AOX1: variants seen among roughly 807,000 people sequenced by gnomAD.
AOX1 encodes aldehyde oxidase.
AOX1 carries 153 observed loss-of-function variants against 169.5 expected under a neutral mutation model. The ratio of observed to expected loss-of-function variants is 0.90; its 90% CI spans 0.79 to 1.03. The LOEUF (loss-of-function observed/expected upper bound fraction) is 1.03, where lower values mean the gene tolerates loss of function less well. Among genes scored for constraint, AOX1 ranks in the 50% least tolerant of loss-of-function variants. The pLI is 0.00. For missense variants in AOX1, 1,656 were observed against 1,663.9 expected, an observed-to-expected ratio of 1.00 and a Z score of 0.08; for synonymous variants, 562 against 581.9, an observed-to-expected ratio of 0.97 and a Z score of 0.49.
intron 20 of AOX1, among the ~76,000 whole-genome samples, chr2:200,632,597 C>T (rs2035150400): frequency 6.6e-6 from 1 of 150,968 alleles, no homozygotes. Context: ...TTCTGTTGTT[C>T]TTTCTTCCTT....
intron 14 of AOX1, 142 bp downstream of exon 14, chr2:200,612,935 A>G (rs1291192213): frequency 1.5e-6 from 1 of 667,412 alleles, no homozygotes; most frequent in African/African-American, 1.8e-5. Context: ...TTCCAATAAG[A>G]TTTTGTTATT....
chr2:200,673,150 C>G (rs2036051428), downstream of AOX1, among the ~76,000 whole-genome samples: 1 of 152,212 alleles, frequency 6.6e-6, no homozygotes, highest in Non-Finnish European at 1.5e-5. Flanking sequence ...CCTCCCCCTC[C>G]AGCCCACCTC....
At chr2:200,678,838 C>T (rs146661066), downstream of AOX1, among the ~76,000 whole-genome samples, 1,731 of 152,056 alleles carry the variant, frequency 0.011, 34 homozygotes, top group African/African-American at 0.039. Flanking sequence ...CAAATAATTA[C>T]CTGCCCTTGT....
At chr2:200,646,214 CT>C (rs2035450130) in intron 25 of AOX1, among the ~76,000 whole-genome samples, 1 of 152,164 alleles carries the variant, frequency 6.6e-6, no homozygotes, top group African/African-American at 2.4e-5. Context: ...GAACTTTCCT[CT>C]TAGCACCGCG....
intron 2 of AOX1, among the ~76,000 whole-genome samples, chr2:200,594,153 A>T (rs1394799704): frequency 6.6e-6 from 1 of 152,148 alleles, no homozygotes; most frequent in Non-Finnish European, 1.5e-5. Context: ...TCACCGTGTA[A>T]GTCTGACCCT....
chr2:200,601,409 C>T (rs2034411083), intron 5 of AOX1, among the ~76,000 whole-genome samples: 1 of 152,006 alleles, frequency 6.6e-6, no homozygotes, highest in Middle Eastern at 3.2e-3. Flanking sequence ...ATAGTTAACA[C>T]TGTATTGTAT....
intron 20 of AOX1, 140 bp downstream of exon 20, chr2:200,627,589 A>G (rs1286265624): frequency 6.4e-6 from 4 of 628,588 alleles, no homozygotes; most frequent in Non-Finnish European, 1.1e-5. Flanking sequence ...CACCTCATTC[A>G]CAAATGTGTT....
intron 19 of AOX1, among the ~76,000 whole-genome samples, chr2:200,626,286 A>G (rs1008547066): frequency 1.3e-5 from 2 of 152,224 alleles, no homozygotes; most frequent in Non-Finnish European, 2.9e-5. Flanking sequence ...AAACCAACCC[A>G]GTTTTTGAAT....
intron 20 of AOX1, among the ~76,000 whole-genome samples, chr2:200,634,164 ATTTTTTTTTT>A (rs58341876): frequency 5.9e-5 from 5 of 84,966 alleles, no homozygotes; most frequent in Non-Finnish European, 6.2e-5. Context: ...TTTCTTGAGG[ATTTTTTTTTT>A]TTTTTTTTTT....
At chr2:200,602,847 A>G (rs1016403914) in intron 6 of AOX1, among the ~76,000 whole-genome samples, 14 of 152,174 alleles carry the variant, frequency 9.2e-5, no homozygotes, top group African/African-American at 3.4e-4. Flanking sequence ...TGAACAAACA[A>G]AGTTGAAATG....
At position 200,666,668 on chromosome 2, in the gene AOX1, A is replaced by G. The variant is rs1482237050; in HGVS notation, c.3544-19A>G. On this transcript the variant is annotated intron_variant, in intron 31 of 34. Transcript: ENST00000374700. Reference sequence around the variant, plus strand: ...TTATTCTCATTAAAATAAACATTTTAACTTTTTTTTAATACTAGAACATCA... The same window carrying G: ...TTATTCTCATTAAAATAAACATTTTGACTTTTTTTTAATACTAGAACATCA... The G allele has an allele frequency of 6.3e-7, 1 of 1,579,660 alleles. No individual in the cohort carries two copies. Among genetic ancestry groups the G allele is most frequent in the African/African-American group, 1.4e-5 (1 of 73,678 alleles).
intron 2 of AOX1, 30 bp downstream of exon 2, chr2:200,593,233 G>T: frequency 6.5e-7 from 1 of 1,540,520 alleles, no homozygotes. Context: ...GACTGTGTAT[G>T]TGTGTGTGTA....
rs189900419 is a variant in AOX1, at chr2:200,605,693, C to G, written c.907+65C>G. On this transcript the variant is annotated intron_variant, in intron 10 of 34. Transcript: ENST00000374700. Reference sequence around the variant, plus strand: ...TAATCAATTTATTTACCTTGCCCAGCAGACAAGCAGAAAAAGAATGATTCC... The same window carrying G: ...TAATCAATTTATTTACCTTGCCCAGGAGACAAGCAGAAAAAGAATGATTCC... 2.5e-5 allele frequency: 17 copies of G among 686,026 alleles called. No individual in the cohort carries two copies. The East Asian group carries it at 4.7e-4, about 19-fold the overall frequency. The allele number at this position is 686,026 out of a possible 1,614,324, so 42.5% of individuals were successfully genotyped here. A position where few individuals can be genotyped will look rare whatever the true frequency, so the allele number is the denominator to read the frequency against.
intron 20 of AOX1, among the ~76,000 whole-genome samples, chr2:200,628,851 C>G (rs1327590170): frequency 6.6e-6 from 1 of 152,150 alleles, no homozygotes; most frequent in Non-Finnish European, 1.5e-5. Context: ...CGCTTGAACC[C>G]TGGAGGCAGA....
At chr2:200,609,608 T>C (rs1559236482) in intron 12 of AOX1, among the ~76,000 whole-genome samples, 194 bp downstream of exon 12, 4 of 152,186 alleles carry the variant, frequency 2.6e-5, no homozygotes, top group African/African-American at 7.2e-5. Context: ...GTCTTTCTGG[T>C]TTTTTGTTTG....
chr2:200,668,606 T>C lies in AOX1; in HGVS notation c.3610-9T>C. ...ATACGTGGAAATTCTTTTTTTGTTC[T>C]TGCCTCAGATTGAAGGTGCATTTAT... is the stretch of plus-strand genomic sequence containing the variant. On this transcript the variant is annotated splice_polypyrimidine_tract_variant and intron_variant, in intron 32 of 34. Transcript: ENST00000374700. The C allele has an allele frequency of 6.3e-7, 1 of 1,590,248 alleles. No individual in the cohort carries two copies. The highest frequency in any genetic ancestry group is 8.6e-7 in the Non-Finnish European group (1 of 1,168,610).
At position 200,638,313 on chromosome 2, in the gene AOX1, G is replaced by T. The variant is rs201551790; in HGVS notation, c.2568+11G>T. On this transcript the variant is annotated intron_variant, in intron 23 of 34. Coordinates refer to ENST00000374700, the MANE Select transcript of AOX1 (RefSeq NM_001159.4). ...CTTGGAAAGTACAAAGTGAGTACAA[G>T]AGGGCATGGAGGAAGGATTTATGTT... 9 of 1,610,570 alleles carry T rather than the reference G, an allele frequency of 5.6e-6. No individual in the cohort carries two copies. The East Asian group carries it at 1.8e-4, about 32-fold the overall frequency.
Position 200,669,575 on chromosome 2 carries a change from G to C in AOX1, c.3799G>C (p.Gly1267Arg). 1 of 1,613,876 alleles carries C rather than the reference G, an allele frequency of 6.2e-7. No homozygotes were observed. Among genetic ancestry groups the C allele is most frequent in the South Asian group, 1.1e-5 (1 of 91,058 alleles). ...TCTAGTTGGCATGCTTCCTTTCAAGGGTCTGGGAGAGTCGGGGGTGTTCCT... is the reference window on the plus strand; with the variant it reads ...TCTAGTTGGCATGCTTCCTTTCAAGCGTCTGGGAGAGTCGGGGGTGTTCCT... ...QNSNTLYSSK[G>R]LGESGVFLGC... is the part of the protein sequence containing the mutation. The change falls in exon 34 of 35, where the codon GGT becomes CGT. Residue 1267 changes from glycine to arginine, a missense_variant and splice_region_variant. Gly to Arg is a moderately radical substitution (Grantham distance 125). Coordinates refer to ENST00000374700, the MANE Select transcript of AOX1 (RefSeq NM_001159.4).
chr2:200,624,083 G>A, intron 19 of AOX1, 100 bp downstream of exon 19: 1 of 1,450,458 alleles, frequency 6.9e-7, no homozygotes, highest in Non-Finnish European at 9.6e-7. Context: ...GCTCAAAGTG[G>A]CCTCCAAAGC....
Sources: gnomAD v4.1 joint callset for allele counts (sites outside exome capture counted in the v4.1 genomes callset) on GRCh38, gnomAD v4.1.1 for gene constraint, MANE v1.5 for transcripts, NCBI Gene and HGNC (gene_info 2026-07-23, HGNC 2026-07-21) for gene names.